The following ACIN1 variants were observed in gnomAD, a reference collection of about 807,000 sequenced individuals.
The protein encoded by ACIN1 is apoptotic chromatin condensation inducer in the nucleus.
ACIN1 carries 16 observed loss-of-function variants against 146.6 expected under a neutral mutation model. The observed-to-expected ratio is 0.11, with a 90% CI of 0.07 to 0.17. ACIN1 has a LOEUF of 0.17. Ranked by LOEUF, ACIN1 falls within the 10% of genes least tolerant of loss-of-function variation. The pLI is 1.00. For synonymous variants in ACIN1, 569 were observed against 582.7 expected, an observed-to-expected ratio of 0.98 and a Z score of 0.34; for missense variants, 1,357 against 1,609.3, an observed-to-expected ratio of 0.84 and a Z score of 2.68.
In ACIN1 at chr14:23,058,941, G is replaced by A; in HGVS notation, c.*207C>T. 5.3e-6 allele frequency: 3 copies of A among 571,092 alleles called. No homozygotes were observed. Among genetic ancestry groups the A allele is most frequent in the South Asian group, 2.4e-5 (1 of 41,038 alleles). The allele number at this position is 571,092 out of a possible 1,614,324, so 35.4% of individuals were successfully genotyped here. On this transcript the variant is annotated 3_prime_UTR_variant, in exon 19 of 19. Transcript: ENST00000605057. ...CTCTCAGACTTAATGGGAAATGAGA[G>A]GGAGGGTCGGGCTAAGTCCCAAGAG...
chr14:23,081,782 C>G lies in ACIN1; in HGVS notation c.491G>C (p.Arg164Thr), dbSNP rs748179758. Residue 164 changes from arginine to threonine, a missense_variant, in exon 5 of 19, where the codon AGG (arginine) becomes ACG (threonine). Coordinates refer to ENST00000605057, the MANE Select transcript of ACIN1 (RefSeq NM_001386863.1). ...CCTAGATGATCGTCTTTCTCCTTTCCTTGGTTTCTCATCATCAGAGTCACC... is the reference window on the plus strand; with the variant it reads ...CCTAGATGATCGTCTTTCTCCTTTCGTTGGTTTCTCATCATCAGAGTCACC... ...EKGDSDDEKP[R>T]KGERRSSRVR... The G allele has an allele frequency of 5.0e-6, 8 of 1,612,996 alleles. No homozygotes were observed. The African/African-American group carries it at 1.1e-4, about 22-fold the overall frequency.
At position 23,068,425 on chromosome 14, in the gene ACIN1, T is replaced by G; in HGVS notation, c.2265+1051A>C. The G allele has an allele frequency of 2.0e-6, 2 of 985,886 alleles. No homozygotes were observed. The highest frequency in any genetic ancestry group is 2.4e-6 in the Non-Finnish European group (2 of 829,950). The allele number at this position is 985,886 out of a possible 1,614,324, so 61.1% of individuals were successfully genotyped here. A position where few individuals can be genotyped will look rare whatever the true frequency, so the allele number is the denominator to read the frequency against. ...CCCTTTCCAAATGTTTTTTGCTTGC[T>G]CAATACAAGTCTCTCCAGAACAGTG... On this transcript the variant is annotated intron_variant, in intron 9 of 18. Coordinates refer to ENST00000605057, the MANE Select transcript of ACIN1 (RefSeq NM_001386863.1). This position sits in a 1 kb window ranked among gnomAD's most constrained non-coding sequence, Gnocchi z 4.3.
In ACIN1 at chr14:23,070,136, C is replaced by T. The variant is rs1430561949; in HGVS notation, c.2124-519G>A. Among the ~76,000 whole-genome samples, 4 of 129,178 alleles carry T rather than the reference C, an allele frequency of 3.1e-5. No individual in the cohort carries two copies. The Admixed American group carries it at 4.1e-4, about 13-fold the overall frequency. 84.7% of individuals were successfully genotyped at this position (129,178 alleles called of 152,430 possible). Reference sequence around the variant, plus strand: ...AGCCTGACCTGTGTTTAATCAACTGCTTAATAAGTAAAGGCCTGCTGATCC... The same window carrying T: ...AGCCTGACCTGTGTTTAATCAACTGTTTAATAAGTAAAGGCCTGCTGATCC... On this transcript the variant is annotated intron_variant, in intron 8 of 18. Coordinates refer to ENST00000605057, the MANE Select transcript of ACIN1 (RefSeq NM_001386863.1).
At chr14:23,077,262 A>G (rs2047826589) in intron 8 of ACIN1, among the ~76,000 whole-genome samples, 1 of 152,228 alleles carries the variant, frequency 6.6e-6, no homozygotes, top group African/African-American at 2.4e-5. Flanking sequence ...GGGAAATCAT[A>G]CTGGTAGCAT....
At chr14:23,082,326 C>G (rs2047964820) in intron 4 of ACIN1, among the ~76,000 whole-genome samples, 1 of 151,748 alleles carries the variant, frequency 6.6e-6, no homozygotes, top group Non-Finnish European at 1.5e-5. Context: ...GAAATAAATA[C>G]TTAGAGGAAT....
intron 4 of ACIN1, among the ~76,000 whole-genome samples, chr14:23,082,153 A>G (rs1423346453): frequency 6.6e-6 from 1 of 152,244 alleles, no homozygotes; most frequent in East Asian, 1.9e-4. Flanking sequence ...GGATGTACAA[A>G]TATGAAGTGT....
chr14:23,095,348 C>T, upstream of ACIN1: 9 of 1,534,772 alleles, frequency 5.9e-6, no homozygotes, highest in Non-Finnish European at 7.9e-6. Context: ...TGCTTTCAGG[C>T]TCGGTTTTCT....
At chr14:23,094,286 C>T (rs2048308358) in intron 1 of ACIN1, among the ~76,000 whole-genome samples, 1 of 152,132 alleles carries the variant, frequency 6.6e-6, no homozygotes, top group Non-Finnish European at 1.5e-5. Flanking sequence ...CAAACCTATA[C>T]ACTTGAATCG....
intron 7 of ACIN1, 92 bp from the exon 8 acceptor site, chr14:23,078,358 G>A (rs1354027239): frequency 3.9e-6 from 4 of 1,019,472 alleles, no homozygotes; most frequent in Non-Finnish European, 6.0e-6. Context: ...GGCAGGGCAG[G>A]ACATACACAG....
chr14:23,063,493 G>T lies in ACIN1; in HGVS notation c.2680C>A (p.Pro894Thr). ...KEPEAEPPVP[P>T]QVSVEVALPP... is the part of the protein sequence containing the mutation. ...AAGGCCACCTCTACTGACACCTGGG[G>T]AGGTACAGGAGGTTCTGCTTCAGGT... Residue 894 changes from proline (P) to threonine (T), a missense_variant, in exon 13 of 19, where the codon CCC becomes ACC. By Grantham distance (38) the Pro-to-Thr change is conservative. Around this residue, in one of 4 missense-constraint regions of ACIN1, gnomAD observed 509 missense variants for 719.6 expected, o/e 0.71. Transcript: ENST00000605057. 1 of 1,614,150 alleles carries T rather than the reference G, an allele frequency of 6.2e-7. No homozygotes were observed. Among genetic ancestry groups the T allele is most frequent in the South Asian group, 1.1e-5 (1 of 91,078 alleles).
rs759284955 is a variant in ACIN1, at chr14:23,080,230, G to A, written c.1105C>T (p.Pro369Ser). 6.2e-7 allele frequency: 1 copy of A among 1,614,210 alleles called. No individual in the cohort carries two copies. The highest frequency in any genetic ancestry group is 8.5e-7 in the Non-Finnish European group (1 of 1,180,026). The change falls in exon 6 of 19, where the codon CCA becomes TCA. Residue 369 changes from proline to serine, a missense_variant. By Grantham distance (74) the Pro-to-Ser change is moderately conservative (BLOSUM62 -1). This residue lies in a region of ACIN1 where 771 missense variants were observed against 746.6 expected (regional missense o/e 1.03). Coordinates refer to ENST00000605057, the MANE Select transcript of ACIN1 (RefSeq NM_001386863.1). The part of the protein sequence containing the change: ...PLLTKEASSP[P>S]PHPQLHSEEE... ...TCGCTATGGAGCTGTGGATGAGGTG[G>A]TGGAGAAGATGCTTCCTTTGTTAGT...
At chr14:23,069,641 T>TGGGGGGGGGGGGGGGG in intron 8 of ACIN1, 24 bp from the exon 9 acceptor site, 1 of 309,202 alleles carries the variant, frequency 3.2e-6, no homozygotes, top group Non-Finnish European at 5.7e-6. Context: ...GGAGTGGTGG[T>TGGGGGGGGGGGGGGGG]GGGGGGGCGG....
chr14:23,074,772 T>C (rs1033683627), intron 8 of ACIN1, among the ~76,000 whole-genome samples: 7 of 152,278 alleles, frequency 4.6e-5, no homozygotes, highest in Middle Eastern at 3.4e-3. Context: ...AGGGTACAAC[T>C]ACTTGGAGGC....
chr14:23,077,687 G>C lies in ACIN1; in HGVS notation c.2123+464C>G, dbSNP rs142564367. 913 of 154,322 alleles carry C rather than the reference G, an allele frequency of 5.9e-3. 3 individuals are homozygous for C. The highest frequency in any genetic ancestry group is 0.014 in the Middle Eastern group (4 of 294). The allele number at this position is 154,322 out of a possible 1,614,324, so 9.6% of individuals were successfully genotyped here. A position where few individuals can be genotyped will look rare whatever the true frequency, so the allele number is the denominator to read the frequency against. On this transcript the variant is annotated intron_variant, in intron 8 of 18. Coordinates refer to ENST00000605057, the MANE Select transcript of ACIN1 (RefSeq NM_001386863.1). ...CTGTAAGAACTAGGATATCCTAGCA[G>C]AACTAGGATAGCTTAATGACAGGTA...
chr14:23,079,395 A>T, intron 6 of ACIN1, 152 bp downstream of exon 6: 1 of 1,351,392 alleles, frequency 7.4e-7, no homozygotes, highest in Non-Finnish European at 1.0e-6. Context: ...TGAAAATACG[A>T]TTCTGAAATG....
chr14:23,067,523 G>T lies in ACIN1; in HGVS notation c.2266-1515C>A. On this transcript the variant is annotated intron_variant, in intron 9 of 18. Coordinates refer to ENST00000605057, the MANE Select transcript of ACIN1 (RefSeq NM_001386863.1). The surrounding 1 kb of genome is among the most constrained non-coding windows in gnomAD (Gnocchi z 4.6). ...GGGGGGCGGGAGGGAAACGTGTGGG[G>T]GGACGCTGCCCAGTTTCCATGATGT... 1.0e-6 allele frequency: 1 copy of T among 985,688 alleles called. No homozygotes were observed. The highest frequency in any genetic ancestry group is 1.2e-6 in the Non-Finnish European group (1 of 830,100). 61.1% of individuals were successfully genotyped at this position (985,688 alleles called of 1,614,324 possible). A position where few individuals can be genotyped will look rare whatever the true frequency, so the allele number is the denominator to read the frequency against.
Position 23,090,106 on chromosome 14 carries a change from A to AT in ACIN1, c.317-6_317-5insA. The stretch of plus-strand genomic sequence containing the variant: ...CCTCCGACTCAGCTGAAGCTTCTGC[A>AT]AAGTACAGATCGGGTCGGGGCAGGG... On this transcript the variant is annotated splice_region_variant and splice_polypyrimidine_tract_variant and intron_variant, in intron 3 of 18. Coordinates refer to ENST00000605057, the MANE Select transcript of ACIN1 (RefSeq NM_001386863.1). The AT allele has an allele frequency of 6.2e-7, 1 of 1,613,884 alleles. No individual in the cohort carries two copies.
At chr14:23,070,655 C>CA (rs981139359) in intron 8 of ACIN1, among the ~76,000 whole-genome samples, 22 of 151,836 alleles carry the variant, frequency 1.4e-4, no homozygotes, top group Middle Eastern at 3.4e-3. Context: ...AAACACCAAG[C>CA]AAAAAAAATC....
chr14:23,076,847 CGAT>C (rs150170952), intron 8 of ACIN1, among the ~76,000 whole-genome samples: 2,963 of 152,242 alleles, frequency 0.019, 96 homozygotes, highest in African/African-American at 0.068. Context: ...ATTTCCTCAT[CGAT>C]GATGTAGCTG....
Sources: allele counts gnomAD v4.1 joint callset (sites outside exome capture counted in the v4.1 genomes callset), GRCh38; gene constraint gnomAD v4.1.1; regional missense constraint gnomAD v4.1.1; non-coding constraint Gnocchi (gnomAD v3.1); transcripts MANE v1.5; gene names NCBI Gene and HGNC (gene_info 2026-07-23, HGNC 2026-07-21).